Variants in TSPEAR observed in about 807,000 individuals in gnomAD.
TSPEAR encodes thrombospondin-type laminin G domain and EAR repeat-containing protein.
A neutral mutation model predicts 71.6 loss-of-function variants in TSPEAR; 69 were observed. The observed-to-expected ratio is 0.96, with a 90% CI of 0.79 to 1.18. The LOEUF (loss-of-function observed/expected upper bound fraction) is 1.18, where lower values mean the gene tolerates loss of function less well. TSPEAR is among the 50% of genes most tolerant of loss of function. TSPEAR has a pLI of 0.00. For synonymous variants in TSPEAR, 402 were observed against 387.2 expected, an observed-to-expected ratio of 1.04 and a Z score of -0.45; for missense variants, 971 against 894.9, an observed-to-expected ratio of 1.09 and a Z score of -1.09.
At position 44,647,237 on chromosome 21, in the gene TSPEAR, C is replaced by T. The variant is rs781974731; in HGVS notation, c.82+64196G>A. ...CCCGTCTCCTCCTGCTGTGCCCCCA[C>T]CTCCTCCTGCCAGTCCAGCTGCTGC... is the stretch of plus-strand genomic sequence containing the variant. On this transcript the variant is annotated intron_variant, in intron 1 of 11. Coordinates refer to ENST00000323084, the MANE Select transcript of TSPEAR (RefSeq NM_144991.3). 10 of 1,605,142 alleles carry T rather than the reference C, an allele frequency of 6.2e-6. No homozygotes were observed. In the African/African-American group the frequency reaches 9.4e-5, roughly 15 times the overall value.
intron 1 of TSPEAR, chr21:44,591,287 C>T: frequency 6.7e-7 from 1 of 1,482,420 alleles, no homozygotes; most frequent in East Asian, 2.4e-5. Flanking sequence ...GAGCCTGCCC[C>T]ATCTTCTGAG....
In TSPEAR at chr21:44,528,433, G is replaced by T. The variant is rs782121013; in HGVS notation, c.922+19C>A. The T allele has an allele frequency of 3.1e-6, 5 of 1,613,202 alleles. No individual in the cohort carries two copies. Among genetic ancestry groups the T allele is most frequent in the South Asian group, 1.1e-5 (1 of 91,044 alleles). On this transcript the variant is annotated intron_variant, in intron 6 of 11. Coordinates refer to ENST00000323084, the MANE Select transcript of TSPEAR (RefSeq NM_144991.3). ...GAGTGGCCCTGCATGCCAACGCCCC[G>T]GGTGCAGGGCTGCCTCACCTGCTAA...
intron 8 of TSPEAR, among the ~76,000 whole-genome samples, chr21:44,524,184 C>T (rs2052798301): frequency 6.6e-6 from 1 of 150,970 alleles, no homozygotes; most frequent in African/African-American, 2.4e-5. Flanking sequence ...GTCAGTCAGA[C>T]AGTCAGGTAG....
At chr21:44,582,812 CTCTT>C (rs376527550) in intron 1 of TSPEAR, among the ~76,000 whole-genome samples, 2,377 of 147,938 alleles carry the variant, frequency 0.016, 64 homozygotes, top group African/African-American at 0.054. Flanking sequence ...CTCTTTCTTT[CTCTT>C]TCTTTCTTTT....
chr21:44,558,048 C>T (rs587692007), intron 2 of TSPEAR: 27 of 1,600,036 alleles, frequency 1.7e-5, no homozygotes, highest in African/African-American at 1.5e-4. Context: ...GGGACCTGCC[C>T]GTCAGCAGCT....
intron 1 of TSPEAR, among the ~76,000 whole-genome samples, chr21:44,611,417 A>T (rs1256993106): frequency 3.3e-5 from 5 of 151,992 alleles, no homozygotes; most frequent in Admixed American, 3.3e-4. Context: ...TCTTGCTGTC[A>T]CCATGTAAGA....
At chr21:44,591,878 A>C (rs782300239) in intron 1 of TSPEAR, 40 of 1,596,134 alleles carry the variant, frequency 2.5e-5, no homozygotes, top group Non-Finnish European at 3.4e-5. Context: ...GGTGTGCAGG[A>C]GCTGGTGCAG....
rs373422806 is a variant in TSPEAR at position 44,697,270 on chromosome 21, C to G, written c.82+14163G>C. On this transcript the variant is annotated intron_variant, in intron 1 of 11. Transcript: ENST00000323084. ...GCCTTCCTGGTTCCTGTGACTCTTG[C>G]TCCGACTCCTGGCAGGTGGACGACT... 5.0e-6 allele frequency: 8 copies of G among 1,613,974 alleles called. No individual in the cohort carries two copies. In the African/African-American group the frequency reaches 1.1e-4, roughly 22 times the overall value.
At chr21:44,552,904 G>A (rs1293550180) in intron 2 of TSPEAR, among the ~76,000 whole-genome samples, 1 of 152,180 alleles carries the variant, frequency 6.6e-6, no homozygotes, top group Non-Finnish European at 1.5e-5. Flanking sequence ...CTCCCGACAA[G>A]AGCCTCTCAT....
chr21:44,521,968 T>C lies in TSPEAR; in HGVS notation c.1481A>G (p.Asn494Ser), dbSNP rs1311715855. ...CTTGGTGGAGGTGCCGTTGAAGGTG[T>C]TGGCCACCACCAGGAACGAGTAGGG... ...VGPYSFLVVA[N>S]TFNGTSTKVH... The change falls in exon 9 of 12, where the codon AAC (asparagine) becomes AGC (serine). Residue 494 changes from asparagine to serine, a missense_variant. Physicochemically the swap from Asn to Ser is conservative, Grantham distance 46. Transcript: ENST00000323084. 1.2e-6 allele frequency: 2 copies of C among 1,613,974 alleles called. No individual in the cohort carries two copies. Among genetic ancestry groups the C allele is most frequent in the African/African-American group, 1.3e-5 (1 of 74,898 alleles).
Position 44,693,676 on chromosome 21 carries a change from T to C in TSPEAR, c.82+17757A>G, listed in dbSNP as rs1987210450. 2.0e-5 allele frequency among the ~76,000 whole-genome samples: 3 copies of C among 148,700 alleles called. No homozygotes were observed. In the South Asian group the frequency reaches 6.2e-4, roughly 31 times the overall value. On this transcript the variant is annotated intron_variant, in intron 1 of 11. Coordinates refer to ENST00000323084, the MANE Select transcript of TSPEAR (RefSeq NM_144991.3). ...TTTTTTTTTAAAGGAAAATAACAAG[T>C]GTTGGCAAAGATGTGGAGAAATTGG...
At chr21:44,667,057 GT>G (rs1985822937) in intron 1 of TSPEAR, 3 of 763,104 alleles carry the variant, frequency 3.9e-6, no homozygotes, top group South Asian at 3.8e-5. Flanking sequence ...TCTGTTGTAG[GT>G]GTCTCTGGGT....
chr21:44,694,493 T>A (rs1031679667), intron 1 of TSPEAR, among the ~76,000 whole-genome samples: 5 of 152,174 alleles, frequency 3.3e-5, no homozygotes, highest in Non-Finnish European at 7.3e-5. Flanking sequence ...TGAACAGTGG[T>A]GGTGGTTGCA....
chr21:44,650,441 C>CGTGACGATGGCGGCAGAGACTGGGGCCAT (rs1555941206), intron 1 of TSPEAR, among the ~76,000 whole-genome samples: 6 of 152,206 alleles, frequency 3.9e-5, no homozygotes, highest in East Asian at 1.9e-4. Context: ...ACTGGGGCCA[C>CGTGACGATGGCGGCAGAGACTGGGGCCAT]GTGACGACGG....
rs1555915024 is a variant in TSPEAR at position 44,527,254 on chromosome 21, A to G, written c.1149+38T>C. 7 of 1,610,132 alleles carry G rather than the reference A, an allele frequency of 4.3e-6. No individual in the cohort carries two copies. The Admixed American group carries it at 8.3e-5, about 19-fold the overall frequency. On this transcript the variant is annotated intron_variant, in intron 7 of 11. Coordinates refer to ENST00000323084, the MANE Select transcript of TSPEAR (RefSeq NM_144991.3). ...GCCTGTGGACTCGGGGCTTTCCAAG[A>G]GAAAGGGGATGGAGAAAGTCACCGA...
chr21:44,619,002 AC>A (rs1555933036), intron 1 of TSPEAR, among the ~76,000 whole-genome samples: 1 of 152,182 alleles, frequency 6.6e-6, no homozygotes, highest in Non-Finnish European at 1.5e-5. Context: ...ATGATGGGGC[AC>A]TGGCTCAGAA....
chr21:44,611,129 TG>T, intron 1 of TSPEAR, among the ~76,000 whole-genome samples: 1 of 152,240 alleles, frequency 6.6e-6, no homozygotes, highest in East Asian at 1.9e-4. Context: ...GTTAAGACTT[TG>T]GGGGACTGTT....
At chr21:44,553,083 CT>C (rs587656382) in intron 2 of TSPEAR, among the ~76,000 whole-genome samples, 83 of 152,348 alleles carry the variant, frequency 5.4e-4, no homozygotes, top group Non-Finnish European at 8.8e-4. Context: ...AAATGACCCC[CT>C]AGTAGCACTG....
At chr21:44,665,812 A>G (rs1230540882) in intron 1 of TSPEAR, among the ~76,000 whole-genome samples, 3 of 152,192 alleles carry the variant, frequency 2.0e-5, no homozygotes, top group African/African-American at 7.2e-5. Flanking sequence ...CCAGTTCTGT[A>G]AACTTGAGAT....
Sources: allele counts gnomAD v4.1 joint callset (sites outside exome capture counted in the v4.1 genomes callset), GRCh38; gene constraint gnomAD v4.1.1; transcripts MANE v1.5; gene names NCBI Gene and HGNC (gene_info 2026-07-23, HGNC 2026-07-21).